The following MCM9 variants were observed in gnomAD, a reference collection of about 807,000 sequenced individuals.
MCM9 encodes the protein minichromosome maintenance 9 homologous recombination repair factor.
MCM9 carries 55 observed loss-of-function variants against 72.8 expected under a neutral mutation model. The observed-to-expected ratio is 0.76, with a 90% CI of 0.61 to 0.95. The LOEUF is 0.95. Among genes scored for constraint, MCM9 ranks in the 40% least tolerant of loss-of-function variants. MCM9 has a pLI of 0.00. For missense variants in MCM9, 1,279 were observed against 1,377.0 expected (o/e 0.93, Z 1.13); for synonymous variants, 480 against 503.4 (o/e 0.95, Z 0.62).
chr6:118,905,918 G>T, intron 8 of MCM9: 1 of 978,370 alleles, frequency 1.0e-6, no homozygotes, highest in Non-Finnish European at 1.5e-6. Flanking sequence ...CTATTAAAAT[G>T]GCTTTGAGAT....
chr6:118,917,938 T>A, intron 5 of MCM9, 177 bp from the exon 6 acceptor site: 1 of 597,660 alleles, frequency 1.7e-6, no homozygotes, highest in Non-Finnish European at 3.0e-6. Flanking sequence ...TTGACTGTTG[T>A]CCCCCACAGT....
intron 8 of MCM9, among the ~76,000 whole-genome samples, chr6:118,898,455 C>T (rs1166788554): frequency 2.1e-5 from 3 of 146,006 alleles, no homozygotes; most frequent in Admixed American, 6.9e-5. Context: ...GAGACAATCT[C>T]GTTCCATTGC....
rs1254076958 is a variant in MCM9 at position 118,813,814 on chromosome 6, T to C, written c.*1010A>G. 1 of 152,166 alleles carries C rather than the reference T, an allele frequency of 6.6e-6. No individual in the cohort carries two copies. The highest frequency in any genetic ancestry group is 1.5e-5 in the Non-Finnish European group (1 of 68,028). The allele number at this position is 152,166 out of a possible 1,614,324, so 9.4% of individuals were successfully genotyped here. ...TAAAGACAAGTGAATCACAACTTAG[T>C]AGGAATCACATTTCCATATTAACCA... On this transcript the variant is annotated 3_prime_UTR_variant, in exon 14 of 14. Coordinates refer to ENST00000619706, the MANE Select transcript of MCM9 (RefSeq NM_017696.3).
At chr6:118,818,957 T>G (rs1057106773) in intron 13 of MCM9, among the ~76,000 whole-genome samples, 1 of 152,244 alleles carries the variant, frequency 6.6e-6, no homozygotes, top group African/African-American at 2.4e-5. Flanking sequence ...TTGTGATTGG[T>G]GCACATTGAT....
chr6:118,846,223 C>G (rs1027753945), intron 9 of MCM9, among the ~76,000 whole-genome samples: 1 of 151,714 alleles, frequency 6.6e-6, no homozygotes, highest in African/African-American at 2.4e-5. Context: ...ACAAAGCAAG[C>G]AAATAAACCC....
intron 8 of MCM9, among the ~76,000 whole-genome samples, chr6:118,901,663 A>G (rs1276097637): frequency 2.6e-5 from 4 of 152,194 alleles, no homozygotes; most frequent in Admixed American, 1.3e-4. Flanking sequence ...TTATTCCTCA[A>G]TTATGCATGC....
chr6:118,843,684 ATGTG>A (rs1338079263), intron 9 of MCM9, among the ~76,000 whole-genome samples: 21 of 72,694 alleles, frequency 2.9e-4, no homozygotes, highest in South Asian at 1.1e-3. Flanking sequence ...GTATATATAT[ATGTG>A]TATATATATA....
At chr6:118,860,784 G>A (rs553080620) in intron 8 of MCM9, among the ~76,000 whole-genome samples, 1 of 152,334 alleles carries the variant, frequency 6.6e-6, no homozygotes, top group East Asian at 1.9e-4. Context: ...GTTTCGTGGA[G>A]AAAATTTTTC....
intron 8 of MCM9, among the ~76,000 whole-genome samples, chr6:118,864,125 T>A (rs551096083): frequency 2.0e-5 from 3 of 152,102 alleles, no homozygotes; most frequent in African/African-American, 7.2e-5. Context: ...ATGAGTTCTT[T>A]AGTGCTGATT....
In MCM9 at chr6:118,924,029, G is replaced by C; in HGVS notation, c.403C>G (p.Leu135Val). Residue 135 changes from leucine (L) to valine (V), a missense_variant, in exon 4 of 14, where the codon CTG (leucine) becomes GTG (valine). Physicochemically the swap from Leu to Val is conservative, Grantham distance 32. Coordinates refer to ENST00000619706, the MANE Select transcript of MCM9 (RefSeq NM_017696.3). ...CGCTCAAACTCCAGAACCTTCACCAGACTTGTTCGAATCACTGTCCCAGTG... is the reference window on the plus strand; with the variant it reads ...CGCTCAAACTCCAGAACCTTCACCACACTTGTTCGAATCACTGTCCCAGTG... ...SVTGTVIRTS[L>V]VKVLEFERDY... The C allele has an allele frequency of 6.2e-7, 1 of 1,614,156 alleles. No individual in the cohort carries two copies. Among genetic ancestry groups the C allele is most frequent in the Non-Finnish European group, 8.5e-7 (1 of 1,180,030 alleles).
intron 8 of MCM9, among the ~76,000 whole-genome samples, chr6:118,860,539 G>C (rs993127007): frequency 6.6e-5 from 10 of 152,104 alleles, no homozygotes; most frequent in Non-Finnish European, 1.5e-4. Flanking sequence ...AGAGGCAATA[G>C]GTGAAGCAAT....
chr6:118,921,404 T>C (rs1345826369), intron 5 of MCM9: 2 of 152,210 alleles, frequency 1.3e-5, no homozygotes, highest in Non-Finnish European at 2.9e-5. Flanking sequence ...GGGTTCTCCA[T>C]GCTAACCATG....
At chr6:118,919,902 A>G (rs1781297232) in intron 5 of MCM9, 1 of 152,162 alleles carries the variant, frequency 6.6e-6, no homozygotes, top group Non-Finnish European at 1.5e-5. Context: ...TCCTAACTAG[A>G]TCGTAAATTC....
intron 8 of MCM9, chr6:118,910,981 T>A (rs1780504201): frequency 1.0e-6 from 1 of 985,386 alleles, no homozygotes; most frequent in Middle Eastern, 5.2e-4. Context: ...AGGGTCTGTT[T>A]TCAGAAGAAC....
At chr6:118,858,988 C>T (rs1011739954) in intron 8 of MCM9, among the ~76,000 whole-genome samples, 2 of 152,058 alleles carry the variant, frequency 1.3e-5, no homozygotes, top group Non-Finnish European at 2.9e-5. Context: ...AACCAAAAAA[C>T]AAGCTTGGAG....
At chr6:118,905,092 T>G (rs1780084388) in intron 8 of MCM9, among the ~76,000 whole-genome samples, 1 of 152,200 alleles carries the variant, frequency 6.6e-6, no homozygotes, top group African/African-American at 2.4e-5. Context: ...CACCTTGGCC[T>G]CCCAAAGTGC....
At chr6:118,868,814 T>G (rs147920099) in intron 8 of MCM9, among the ~76,000 whole-genome samples, 1 of 152,138 alleles carries the variant, frequency 6.6e-6, no homozygotes, top group African/African-American at 2.4e-5. Flanking sequence ...TTACACTGTT[T>G]GTGGGTGTAT....
At chr6:118,885,823 G>A (rs769798697) in intron 8 of MCM9, among the ~76,000 whole-genome samples, 12 of 152,094 alleles carry the variant, frequency 7.9e-5, no homozygotes, top group Non-Finnish European at 1.5e-4. Context: ...TCTATAGGCA[G>A]TATTGCCCAC....
intron 9 of MCM9, among the ~76,000 whole-genome samples, chr6:118,850,435 C>T (rs1195632589): frequency 6.6e-6 from 1 of 151,756 alleles, no homozygotes; most frequent in Non-Finnish European, 1.5e-5. Flanking sequence ...CATACATGAA[C>T]TCTATTTGAG....
Sources: gnomAD v4.1 joint callset for allele counts (sites outside exome capture counted in the v4.1 genomes callset) on GRCh38, gnomAD v4.1.1 for gene constraint, MANE v1.5 for transcripts, NCBI Gene and HGNC (gene_info 2026-07-23, HGNC 2026-07-21) for gene names.